The following CAST variants were observed in gnomAD, a reference collection of about 807,000 sequenced individuals.
CAST encodes the protein calpastatin, also known as MIR583 host.
In CAST, 76 loss-of-function variants were observed where a neutral mutation model predicts 119.6. That is an observed-to-expected ratio of 0.64 (90% CI 0.53 to 0.77). The LOEUF (loss-of-function observed/expected upper bound fraction) is 0.77, where lower values mean the gene tolerates loss of function less well. CAST is among the 30% of genes least tolerant of loss of function. The pLI is 0.00. For synonymous variants in CAST, 319 were observed against 331.6 expected, an observed-to-expected ratio of 0.96 and a Z score of 0.41; for missense variants, 953 against 946.5, an observed-to-expected ratio of 1.01 and a Z score of -0.09.
chr5:96,768,905 A>T (rs1460015627), intron 29 of CAST: 1 of 153,988 alleles, frequency 6.5e-6, no homozygotes, highest in Non-Finnish European at 1.4e-5. Context: ...GTGCTTGTGT[A>T]TCACACCACT....
At chr5:96,381,918 T>C in the CAST span, among the ~76,000 whole-genome samples, 4 of 152,326 alleles carry the variant, frequency 2.6e-5, no homozygotes, top group East Asian at 7.7e-4. Context: ...TCAAGATACA[T>C]AGAGTTATAT....
the CAST span, among the ~76,000 whole-genome samples, chr5:95,971,966 T>C: frequency 6.6e-6 from 1 of 151,376 alleles, no homozygotes; most frequent in Non-Finnish European, 1.5e-5. Context: ...ATTTCTTTTT[T>C]TTTTTTTTTT....
the CAST span, among the ~76,000 whole-genome samples, chr5:96,354,561 A>T: frequency 2.0e-3 from 302 of 152,070 alleles, 1 homozygote; most frequent in Non-Finnish European, 2.9e-3. Flanking sequence ...GTAAAAAAAA[A>T]AATGTATGTC....
the CAST span, among the ~76,000 whole-genome samples, chr5:96,131,418 T>TAC: frequency 0.089 from 13,207 of 148,086 alleles, 1,229 homozygotes; most frequent in African/African-American, 0.24. Context: ...CTTGTTATTA[T>TAC]ACACACACAC....
At chr5:96,693,502 T>C (rs1376871335) in intron 2 of CAST, among the ~76,000 whole-genome samples, 2 of 152,234 alleles carry the variant, frequency 1.3e-5, no homozygotes, top group African/African-American at 2.4e-5. Flanking sequence ...GAACATGGCC[T>C]TCCTCAATTG....
Position 96,737,871 on chromosome 5 carries a change from A to T in CAST, c.722A>T (p.Asp241Val), listed in dbSNP as rs774887066. ...SGKSGMDAAL[D>V]DLIDTLGGPE... Reference sequence around the variant, plus strand: ...CAGTCAGGCATGGATGCTGCTTTGGATGACTTAATAGATACTTTAGGAGGA... The same window carrying T: ...CAGTCAGGCATGGATGCTGCTTTGGTTGACTTAATAGATACTTTAGGAGGA... Residue 241 changes from aspartate (D) to valine (V), a missense_variant, in exon 11 of 32, where the codon GAT becomes GTT. Asp to Val is a radical substitution (Grantham distance 152). Coordinates refer to ENST00000675179, the MANE Select transcript of CAST (RefSeq NM_001750.7). The T allele has an allele frequency of 6.3e-6, 10 of 1,599,848 alleles. No homozygotes were observed. The highest frequency in any genetic ancestry group is 6.9e-6 in the Non-Finnish European group (8 of 1,167,322).
chr5:96,583,932 C>T (rs1040970314), intron 1 of CAST, among the ~76,000 whole-genome samples: 3 of 152,176 alleles, frequency 2.0e-5, no homozygotes, highest in Admixed American at 6.5e-5. Context: ...ACTCCAAGTC[C>T]AGTACCCTTT....
At chr5:96,397,222 C>G in the CAST span, 1 of 889,104 alleles carries the variant, frequency 1.1e-6, no homozygotes, top group Non-Finnish European at 1.8e-6. Flanking sequence ...CTTACTTCTA[C>G]TAAGAAGGGG....
the CAST span, among the ~76,000 whole-genome samples, chr5:96,347,032 C>A: frequency 6.6e-6 from 1 of 152,078 alleles, no homozygotes; most frequent in African/African-American, 2.4e-5. Context: ...ATCTTTCAGA[C>A]GGGTTTCAGC....
chr5:96,459,885 C>T, the CAST span, among the ~76,000 whole-genome samples: 8 of 152,272 alleles, frequency 5.3e-5, no homozygotes, highest in Admixed American at 4.6e-4. Context: ...CAAAAAGCCT[C>T]CCTCATCTTC....
At chr5:96,486,173 TGTGTCTAGTCAGCA>T in the CAST span, among the ~76,000 whole-genome samples, 10 of 152,298 alleles carry the variant, frequency 6.6e-5, no homozygotes, top group East Asian at 1.2e-3. Flanking sequence ...AAAACACTAC[TGTGTCTAGTCAGCA>T]GTGAGCAAGG....
chr5:96,407,270 T>C, the CAST span, among the ~76,000 whole-genome samples: 3 of 152,162 alleles, frequency 2.0e-5, no homozygotes, highest in Admixed American at 6.5e-5. Flanking sequence ...CATCTAGCTT[T>C]TGTGAACCAA....
chr5:96,410,136 C>T, the CAST span, among the ~76,000 whole-genome samples: 7 of 152,094 alleles, frequency 4.6e-5, no homozygotes, highest in East Asian at 3.9e-4. Flanking sequence ...GCCCCTCCAT[C>T]GTCATGCCCT....
chr5:96,042,550 G>A, the CAST span, among the ~76,000 whole-genome samples: 1 of 152,158 alleles, frequency 6.6e-6, no homozygotes, highest in African/African-American at 2.4e-5. Context: ...TACTCAGTAA[G>A]TGTTCGATAT....
At chr5:96,288,564 A>G in the CAST span, among the ~76,000 whole-genome samples, 1 of 152,214 alleles carries the variant, frequency 6.6e-6, no homozygotes, top group East Asian at 1.9e-4. Context: ...TCCAAAGCAA[A>G]TGTACAAAAA....
chr5:96,507,880 GC>G, the CAST span, among the ~76,000 whole-genome samples: 5 of 152,050 alleles, frequency 3.3e-5, no homozygotes, highest in Admixed American at 1.3e-4. Context: ...AGTAGAAGGT[GC>G]CAATTCATTT....
chr5:96,028,676 T>A, the CAST span, among the ~76,000 whole-genome samples: 1 of 152,008 alleles, frequency 6.6e-6, no homozygotes, highest in Admixed American at 6.6e-5. Flanking sequence ...AAACAAAAAT[T>A]ACTCAGTGTA....
At chr5:96,232,130 G>T in the CAST span, among the ~76,000 whole-genome samples, 1 of 151,894 alleles carries the variant, frequency 6.6e-6, no homozygotes, top group Non-Finnish European at 1.5e-5. Context: ...AGTTTTATCC[G>T]GGGTCAATTT....
At chr5:96,627,319 T>C (rs1747742682) in intron 1 of CAST, among the ~76,000 whole-genome samples, 1 of 152,228 alleles carries the variant, frequency 6.6e-6, no homozygotes, top group South Asian at 2.1e-4. Flanking sequence ...TGTCTACAAC[T>C]CTGCAGAAGG....
Sources: gnomAD v4.1 joint callset for allele counts (sites outside exome capture counted in the v4.1 genomes callset) on GRCh38, gnomAD v4.1.1 for gene constraint, MANE v1.5 for transcripts, NCBI Gene and HGNC (gene_info 2026-07-23, HGNC 2026-07-21) for gene names.